The following GRB10 variants were observed in gnomAD, a reference collection of about 807,000 sequenced individuals.
GRB10 encodes the protein growth factor receptor-bound protein 10.
GRB10 carries 20 observed loss-of-function variants against 80.9 expected under a neutral mutation model. The ratio of observed to expected loss-of-function variants is 0.25; its 90% CI spans 0.17 to 0.36. The LOEUF (loss-of-function observed/expected upper bound fraction) is 0.36. GRB10 is among the 10% of genes least tolerant of loss of function. The pLI is 1.00. For missense variants in GRB10, 548 were observed against 747.7 expected (o/e 0.73, Z 3.12); for synonymous variants, 291 against 291.5 (o/e 1.00, Z 0.02).
intron 3 of GRB10, among the ~76,000 whole-genome samples, chr7:50,734,747 T>G (rs1043082040): frequency 1.3e-5 from 2 of 152,162 alleles, no homozygotes; most frequent in Non-Finnish European, 1.5e-5. Flanking sequence ...ATAAGCCCAG[T>G]GGAACAGTTT....
chr7:50,741,214 A>G (rs1039771021), intron 3 of GRB10, among the ~76,000 whole-genome samples: 4 of 152,252 alleles, frequency 2.6e-5, no homozygotes, highest in Non-Finnish European at 5.9e-5. Flanking sequence ...TATGTAGGAC[A>G]AAGAAATAAA....
chr7:50,779,351 G>C (rs1373329645), intron 2 of GRB10: 1 of 152,178 alleles, frequency 6.6e-6, no homozygotes, highest in Non-Finnish European at 1.5e-5. Context: ...AGATTCCCAT[G>C]CATATTAAAG....
rs768766593 is a variant in GRB10 at position 50,703,809 on chromosome 7, C to T, written c.139+12G>A. 1.2e-6 allele frequency: 2 copies of T among 1,605,236 alleles called. No homozygotes were observed. Among genetic ancestry groups the T allele is most frequent in the Non-Finnish European group, 8.5e-7 (1 of 1,172,606 alleles). ...GAACTGGGAGTGTTCTTGTGTTTTGCTCATTCCTTACCCTGGTGATTCGCA... is the reference window on the plus strand; with the variant it reads ...GAACTGGGAGTGTTCTTGTGTTTTGTTCATTCCTTACCCTGGTGATTCGCA... On this transcript the variant is annotated intron_variant, in intron 5 of 18. Coordinates refer to ENST00000401949, the MANE Select transcript of GRB10 (RefSeq NM_001350814.2).
chr7:50,654,697 C>T (rs185957593), intron 7 of GRB10, among the ~76,000 whole-genome samples: 59 of 152,282 alleles, frequency 3.9e-4, no homozygotes, highest in East Asian at 7.7e-4. Context: ...ATATTCTTCA[C>T]CTTAGTACTC....
chr7:50,594,104 T>C (rs555519890), intron 18 of GRB10, among the ~76,000 whole-genome samples: 4 of 152,164 alleles, frequency 2.6e-5, no homozygotes, highest in Admixed American at 6.5e-5. Context: ...AAAAGGATTG[T>C]CTATGCAGCA....
Position 50,703,813 on chromosome 7 carries a change from T to C in GRB10, c.139+8A>G, listed in dbSNP as rs2064594797. 1 of 1,608,584 alleles carries C rather than the reference T, an allele frequency of 6.2e-7. No homozygotes were observed. On this transcript the variant is annotated splice_region_variant and intron_variant, in intron 5 of 18. Transcript: ENST00000401949. ...TGGGAGTGTTCTTGTGTTTTGCTCA[T>C]TCCTTACCCTGGTGATTCGCAAGTC...
chr7:50,659,396 C>T (rs947220003), intron 7 of GRB10, among the ~76,000 whole-genome samples: 2 of 152,160 alleles, frequency 1.3e-5, no homozygotes, highest in Admixed American at 1.3e-4. Flanking sequence ...CTACTCAAAC[C>T]ACGGAGAGCT....
intron 12 of GRB10, 45 bp downstream of exon 12, chr7:50,614,725 T>A (rs370063037): frequency 5.9e-6 from 7 of 1,179,546 alleles, no homozygotes; most frequent in Non-Finnish European, 7.7e-6. Context: ...CAGTCTCCTG[T>A]GGGCTGCTGA....
At chr7:50,747,528 T>A (rs2073176254) in intron 3 of GRB10, 1 of 152,188 alleles carries the variant, frequency 6.6e-6, no homozygotes. Context: ...TTTTTCTCCC[T>A]CCACCCCGCT....
At chr7:50,768,817 T>G (rs185631189) in intron 2 of GRB10, among the ~76,000 whole-genome samples, 1 of 152,346 alleles carries the variant, frequency 6.6e-6, no homozygotes, top group Admixed American at 6.5e-5. Context: ...CAGCTGTTGA[T>G]GAGGCCCACA....
chr7:50,744,062 G>A (rs530883114), intron 3 of GRB10, among the ~76,000 whole-genome samples: 6 of 152,258 alleles, frequency 3.9e-5, no homozygotes, highest in African/African-American at 1.2e-4. Flanking sequence ...CGCATTCACC[G>A]AGAGTGGATA....
intron 3 of GRB10, among the ~76,000 whole-genome samples, chr7:50,748,083 G>A (rs772651394): frequency 3.9e-5 from 6 of 152,308 alleles, no homozygotes; most frequent in African/African-American, 1.2e-4. Context: ...TCTCATCCCC[G>A]CCTGATGATG....
intron 7 of GRB10, among the ~76,000 whole-genome samples, chr7:50,652,597 G>GT (rs1473409583): frequency 6.6e-6 from 1 of 152,170 alleles, no homozygotes; most frequent in African/African-American, 2.4e-5. Flanking sequence ...CATGCACCAG[G>GT]TATGTGTCCA....
At chr7:50,672,926 C>T (rs763455117) in intron 6 of GRB10, among the ~76,000 whole-genome samples, 11 of 152,176 alleles carry the variant, frequency 7.2e-5, no homozygotes, top group Non-Finnish European at 1.2e-4. Context: ...AGGCATCATT[C>T]AGCATCAATG....
In GRB10 at chr7:50,616,351, T is replaced by C. The variant is rs776028905; in HGVS notation, c.847-4A>G. 3.1e-6 allele frequency: 5 copies of C among 1,613,568 alleles called. No individual in the cohort carries two copies. Among genetic ancestry groups the C allele is most frequent in the African/African-American group, 1.3e-5 (1 of 74,938 alleles). The stretch of plus-strand genomic sequence containing the variant: ...AACTACTGGAGTTCAGAAAATTCTG[T>C]TGAAGAACAAATTTTTAAAATCACA... On this transcript the variant is annotated splice_polypyrimidine_tract_variant and splice_region_variant and intron_variant, in intron 10 of 18. Transcript: ENST00000401949.
At chr7:50,713,938 G>A (rs1172933961) in intron 4 of GRB10, among the ~76,000 whole-genome samples, 1 of 149,412 alleles carries the variant, frequency 6.7e-6, no homozygotes, top group Non-Finnish European at 1.5e-5. Context: ...CATCACCTCT[G>A]CTCCTTCCCA....
rs78595144 is a variant in GRB10, at chr7:50,756,407, C to T, written c.-216-351G>A. ...AGGCAAAGTTACCTAGAATTCACTT[C>T]GGGCCCAGGTCAGGGTCCTCCCAGG... On this transcript the variant is annotated intron_variant, in intron 2 of 18. Transcript: ENST00000401949. 1.0e-2 allele frequency among the ~76,000 whole-genome samples: 1,523 copies of T among 152,324 alleles called. 17 individuals carry two copies. The highest frequency in any genetic ancestry group is 0.034 in the African/African-American group (1,415 of 41,564).
In GRB10 at chr7:50,592,660, A is replaced by C; in HGVS notation, c.*292T>G. 8.4e-6 allele frequency: 4 copies of C among 474,980 alleles called. No homozygotes were observed. Among genetic ancestry groups the C allele is most frequent in the Non-Finnish European group, 1.2e-5 (3 of 258,740 alleles). 29.4% of individuals were successfully genotyped at this position (474,980 alleles called of 1,614,324 possible). Reference sequence around the variant, plus strand: ...TCACTTCTCTCCGGTTCTTGTTCCTAAGCGGCCCAAGCCAAGATGATCATT... The same window carrying C: ...TCACTTCTCTCCGGTTCTTGTTCCTCAGCGGCCCAAGCCAAGATGATCATT... On this transcript the variant is annotated 3_prime_UTR_variant, in exon 19 of 19. Transcript: ENST00000401949.
intron 7 of GRB10, among the ~76,000 whole-genome samples, chr7:50,665,073 A>G (rs1367282399): frequency 6.6e-6 from 1 of 152,252 alleles, no homozygotes; most frequent in Non-Finnish European, 1.5e-5. Context: ...TCTCCACAGA[A>G]GCTATACCTT....
Sources: gnomAD v4.1 joint callset for allele counts (sites outside exome capture counted in the v4.1 genomes callset) on GRCh38, gnomAD v4.1.1 for gene constraint, MANE v1.5 for transcripts, NCBI Gene and HGNC (gene_info 2026-07-23, HGNC 2026-07-21) for gene names.